The following PLSCR4 variants were observed in gnomAD, a reference collection of about 807,000 sequenced individuals.
PLSCR4 encodes the protein Ca(2+)-dependent phospholipid scramblase 4.
Under a neutral mutation model 36.3 loss-of-function variants are expected in PLSCR4, and 25 were observed. That is an observed-to-expected ratio of 0.69 (90% CI 0.50 to 0.96). PLSCR4 has a LOEUF of 0.96. Ranked by LOEUF, PLSCR4 falls within the 40% of genes least tolerant of loss-of-function variation. The pLI, the probability that PLSCR4 is intolerant of heterozygous loss-of-function variation, is 0.00. For synonymous variants in PLSCR4, 122 were observed against 132.9 expected (o/e 0.92, Z 0.56); for missense variants, 408 against 414.7 (o/e 0.98, Z 0.14).
chr3:146,208,588 A>G (rs2034459957), intron 3 of PLSCR4, among the ~76,000 whole-genome samples: 1 of 152,182 alleles, frequency 6.6e-6, no homozygotes, highest in Non-Finnish European at 1.5e-5. Context: ...CAATCCCATC[A>G]AAAAGTGGGA....
At position 146,250,969 on chromosome 3, in the gene PLSCR4, C is replaced by G. The variant is rs1324136414; in HGVS notation, c.-31G>C. The G allele has an allele frequency of 6.5e-6, 1 of 152,936 alleles. No individual in the cohort carries two copies. Among genetic ancestry groups the G allele is most frequent in the Non-Finnish European group, 1.5e-5 (1 of 68,684 alleles). The allele number at this position is 152,936 out of a possible 1,614,324, so 9.5% of individuals were successfully genotyped here. ...GTCCAGCCCCACTCACCGCCTGCCC[C>G]GCAGAATGCTGGGCACCGGGGACGC... On this transcript the variant is annotated 5_prime_UTR_variant, in exon 1 of 9. Coordinates refer to ENST00000354952, the MANE Select transcript of PLSCR4 (RefSeq NM_020353.3).
intron 4 of PLSCR4, among the ~76,000 whole-genome samples, chr3:146,205,199 G>A (rs2108235973): frequency 6.6e-6 from 1 of 152,066 alleles, no homozygotes; most frequent in East Asian, 1.9e-4. Flanking sequence ...AAAAGATTCA[G>A]AAGGTTCTAT....
intron 4 of PLSCR4, among the ~76,000 whole-genome samples, chr3:146,205,510 G>C (rs2108237182): frequency 6.6e-6 from 1 of 151,966 alleles, no homozygotes; most frequent in South Asian, 2.1e-4. Context: ...CTTGTGCTTT[G>C]GAGACATAAT....
At chr3:146,203,198 G>A (rs12629875) in intron 4 of PLSCR4, among the ~76,000 whole-genome samples, 45,215 of 151,818 alleles carry the variant, frequency 0.3, 8,003 homozygotes, top group South Asian at 0.45. Context: ...ATAGCCTAAC[G>A]AAATTCATTT....
chr3:146,214,819 T>C (rs924681322), intron 3 of PLSCR4, among the ~76,000 whole-genome samples: 4 of 152,146 alleles, frequency 2.6e-5, no homozygotes, highest in Non-Finnish European at 4.4e-5. Flanking sequence ...GTTCAGATCT[T>C]TCCTTTTTGA....
chr3:146,247,686 G>A (rs2036392155), intron 1 of PLSCR4, among the ~76,000 whole-genome samples: 1 of 152,144 alleles, frequency 6.6e-6, no homozygotes, highest in African/African-American at 2.4e-5. Flanking sequence ...GCAGTGGCAT[G>A]ATAATGGCTC....
At chr3:146,230,426 T>C (rs1011142191) in intron 1 of PLSCR4, among the ~76,000 whole-genome samples, 1 of 152,134 alleles carries the variant, frequency 6.6e-6, no homozygotes, top group Non-Finnish European at 1.5e-5. Flanking sequence ...CATGCAGGGA[T>C]AATAATAAAA....
At chr3:146,223,635 A>T (rs951047376) in intron 1 of PLSCR4, 7 of 151,970 alleles carry the variant, frequency 4.6e-5, no homozygotes, top group African/African-American at 1.7e-4. Context: ...CTCAATGAAA[A>T]CTGCCATGGT....
chr3:146,249,820 T>C (rs1310003709), intron 1 of PLSCR4, among the ~76,000 whole-genome samples: 1 of 152,154 alleles, frequency 6.6e-6, no homozygotes, highest in African/African-American at 2.4e-5. Flanking sequence ...ATGTATTTTA[T>C]TGGATTCTCA....
intron 8 of PLSCR4, 34 bp from the exon 9 acceptor site, chr3:146,194,489 T>C: frequency 1.5e-6 from 2 of 1,298,320 alleles, no homozygotes; most frequent in Non-Finnish European, 1.1e-6. Flanking sequence ...TGTAGATATA[T>C]AGATAATTAG....
intron 1 of PLSCR4, among the ~76,000 whole-genome samples, chr3:146,234,132 G>A (rs951192968): frequency 6.6e-6 from 1 of 151,970 alleles, no homozygotes; most frequent in Non-Finnish European, 1.5e-5. Context: ...TGAAGACCCT[G>A]GAAATTAAAA....
At chr3:146,225,886 T>C (rs1405905930) in intron 1 of PLSCR4, among the ~76,000 whole-genome samples, 1 of 152,056 alleles carries the variant, frequency 6.6e-6, no homozygotes, top group Non-Finnish European at 1.5e-5. Flanking sequence ...AGTGCAGTGG[T>C]GGGCTGAAGG....
chr3:146,248,685 C>T (rs1171943308), intron 1 of PLSCR4, among the ~76,000 whole-genome samples: 1 of 152,134 alleles, frequency 6.6e-6, no homozygotes, highest in African/African-American at 2.4e-5. Flanking sequence ...ATGTTTTCTA[C>T]ATTGTAAACA....
intron 1 of PLSCR4, among the ~76,000 whole-genome samples, chr3:146,225,284 G>A (rs889795415): frequency 1.6e-4 from 24 of 152,200 alleles, no homozygotes. Flanking sequence ...TAAACACAGG[G>A]TGCTGATTGG....
intron 1 of PLSCR4, among the ~76,000 whole-genome samples, chr3:146,234,636 AT>A (rs1202707796): frequency 2.0e-5 from 3 of 151,884 alleles, no homozygotes; most frequent in Non-Finnish European, 4.4e-5. Flanking sequence ...ATAAAACCTC[AT>A]TTTTTTTCTG....
intron 1 of PLSCR4, among the ~76,000 whole-genome samples, chr3:146,239,638 C>T (rs1232189091): frequency 6.6e-6 from 1 of 151,862 alleles, no homozygotes; most frequent in Non-Finnish European, 1.5e-5. Flanking sequence ...AATCCCAGCA[C>T]TTTGGGAGGC....
Position 146,194,263 on chromosome 3 carries a change from C to A in PLSCR4, c.*148G>T. 1.6e-6 allele frequency: 1 copy of A among 626,436 alleles called. No homozygotes were observed. The highest frequency in any genetic ancestry group is 2.7e-5 in the Admixed American group (1 of 36,654). The allele number at this position is 626,436 out of a possible 1,614,324, so 38.8% of individuals were successfully genotyped here. On this transcript the variant is annotated 3_prime_UTR_variant, in exon 9 of 9. Coordinates refer to ENST00000354952, the MANE Select transcript of PLSCR4 (RefSeq NM_020353.3). ...ACTTTTAGATTGTGTTCTTGCAAGC[C>A]CACTCTCAGCTGTCAAAGTTAACAC...
chr3:146,238,158 T>C (rs1025102656), intron 1 of PLSCR4, among the ~76,000 whole-genome samples: 3 of 151,144 alleles, frequency 2.0e-5, no homozygotes, highest in South Asian at 2.1e-4. Context: ...GAAACCTGAA[T>C]AGAACTGTAA....
At chr3:146,226,251 A>G (rs942301261) in intron 1 of PLSCR4, among the ~76,000 whole-genome samples, 1 of 152,226 alleles carries the variant, frequency 6.6e-6, no homozygotes, top group Admixed American at 6.5e-5. Flanking sequence ...AGGTATGTAC[A>G]TGTTTAAATA....
Sources: allele counts gnomAD v4.1 joint callset (sites outside exome capture counted in the v4.1 genomes callset), GRCh38; gene constraint gnomAD v4.1.1; transcripts MANE v1.5; gene names NCBI Gene and HGNC (gene_info 2026-07-23, HGNC 2026-07-21).